The following FGF12 variants were observed in gnomAD, a reference collection of about 807,000 sequenced individuals.
FGF12 encodes the protein fibroblast growth factor 12.
Under a neutral mutation model 23.6 loss-of-function variants are expected in FGF12, and 14 were observed. The ratio of observed to expected loss-of-function variants is 0.59; its 90% CI spans 0.39 to 0.93. The LOEUF is 0.93. Among genes scored for constraint, FGF12 ranks in the 40% least tolerant of loss-of-function variants. The probability of loss-of-function intolerance (pLI) is 0.00; values close to 1 mark genes in which losing one functional copy is unlikely to be tolerated. For synonymous variants in FGF12, 62 were observed against 77.3 expected (o/e 0.80, Z 1.04); for missense variants, 175 against 217.8 (o/e 0.80, Z 1.24).
intron 2 of FGF12, among the ~76,000 whole-genome samples, chr3:192,651,005 T>C (rs1008689660): frequency 6.6e-6 from 1 of 152,228 alleles, no homozygotes; most frequent in African/African-American, 2.4e-5. Flanking sequence ...GCTAAGAAGA[T>C]ATTGATTATC....
chr3:192,545,333 T>C (rs1176744025), intron 2 of FGF12, among the ~76,000 whole-genome samples: 2 of 152,214 alleles, frequency 1.3e-5, no homozygotes. Context: ...GCATTTACCA[T>C]GTGCATCCAC....
chr3:192,715,243 A>C (rs1718831415), intron 2 of FGF12, among the ~76,000 whole-genome samples: 2 of 152,218 alleles, frequency 1.3e-5, no homozygotes, highest in African/African-American at 4.8e-5. Flanking sequence ...ACAGGCTTCC[A>C]CAATTTGCTT....
chr3:192,612,681 A>G (rs1185207616), intron 2 of FGF12, among the ~76,000 whole-genome samples: 1 of 151,974 alleles, frequency 6.6e-6, no homozygotes, highest in Non-Finnish European at 1.5e-5. Context: ...ATGAAATAAC[A>G]TTATTAGGGC....
chr3:192,504,437 C>G (rs1432999965), intron 2 of FGF12, among the ~76,000 whole-genome samples: 1 of 152,200 alleles, frequency 6.6e-6, no homozygotes, highest in Non-Finnish European at 1.5e-5. Context: ...CAGTTACTTC[C>G]TGGCCCACAA....
intron 2 of FGF12, among the ~76,000 whole-genome samples, chr3:192,689,580 T>C (rs1717876972): frequency 6.6e-6 from 1 of 151,586 alleles, no homozygotes; most frequent in Non-Finnish European, 1.5e-5. Context: ...GAAGAAATAA[T>C]AAGCAAACTA....
chr3:192,179,832 C>A (rs1716071339), intron 4 of FGF12, among the ~76,000 whole-genome samples: 1 of 151,718 alleles, frequency 6.6e-6, no homozygotes, highest in Non-Finnish European at 1.5e-5. Flanking sequence ...AACCATGAGC[C>A]ATTGCATCCG....
At position 192,534,611 on chromosome 3, in the gene FGF12, C is replaced by T. The variant is rs1048633500; in HGVS notation, c.14-174073G>A. On this transcript the variant is annotated intron_variant, in intron 2 of 5. Transcript: ENST00000445105. ...TTTGTGATGTTGGCCGGACTGGTAC[C>T]GAACTCCTGACCTCAAGAGATCTCC... 1.3e-4 allele frequency among the ~76,000 whole-genome samples: 20 copies of T among 151,988 alleles called. 1 individual carries two copies. Among genetic ancestry groups the T allele is most frequent in the Non-Finnish European group, 1.8e-4 (12 of 67,974 alleles).
At chr3:192,613,807 G>C (rs2108641829) in intron 2 of FGF12, among the ~76,000 whole-genome samples, 1 of 151,980 alleles carries the variant, frequency 6.6e-6, no homozygotes. Context: ...TTCCAACCCT[G>C]TGTACAGGCT....
chr3:192,394,242 A>G (rs1039744664), intron 2 of FGF12, among the ~76,000 whole-genome samples: 18 of 152,200 alleles, frequency 1.2e-4, no homozygotes, highest in Admixed American at 1.1e-3. Context: ...TGAGGTCCAA[A>G]CTTATGTAAT....
At chr3:192,511,901 C>T (rs539911063) in intron 2 of FGF12, among the ~76,000 whole-genome samples, 94 of 151,914 alleles carry the variant, frequency 6.2e-4, no homozygotes, top group African/African-American at 2.1e-3. Context: ...GAGGAAAGAC[C>T]GGAGCAATAA....
At chr3:192,187,103 C>T (rs952778740) in intron 4 of FGF12, among the ~76,000 whole-genome samples, 2 of 152,130 alleles carry the variant, frequency 1.3e-5, no homozygotes, top group African/African-American at 4.8e-5. Flanking sequence ...ATCAGTTTAG[C>T]TTGTATTCAA....
intron 2 of FGF12, among the ~76,000 whole-genome samples, chr3:192,381,891 G>A (rs188592123): frequency 6.6e-6 from 1 of 152,304 alleles, no homozygotes; most frequent in Non-Finnish European, 1.5e-5. Context: ...TACAGAGCAA[G>A]GCGGAAGAAG....
chr3:192,184,233 A>G (rs1007761188), intron 4 of FGF12, among the ~76,000 whole-genome samples: 1 of 152,180 alleles, frequency 6.6e-6, no homozygotes, highest in African/African-American at 2.4e-5. Flanking sequence ...AAAATAAAAT[A>G]AAATAGGCTT....
Position 192,149,064 on chromosome 3 carries a change from A to G in FGF12, c.428-4937T>C, listed in dbSNP as rs543722843. ...CCAGAAAATTTAAACCGTGAACATC[A>G]TATATATCAGGCTCAATATGATAGC... On this transcript the variant is annotated intron_variant, in intron 5 of 5. Transcript: ENST00000445105. Among the ~76,000 whole-genome samples, 64 of 152,318 alleles carry G rather than the reference A, an allele frequency of 4.2e-4. 1 individual carries two copies. Among genetic ancestry groups the G allele is most frequent in the African/African-American group, 1.4e-3 (58 of 41,570 alleles).
intron 2 of FGF12, among the ~76,000 whole-genome samples, chr3:192,395,129 T>A (rs2002582): frequency 0.43 from 65,447 of 151,964 alleles, 14,323 homozygotes; most frequent in East Asian, 0.47. Flanking sequence ...CTTTTCCATA[T>A]TGGCTGCACC....
intron 2 of FGF12, among the ~76,000 whole-genome samples, chr3:192,469,790 G>T (rs1723117850): frequency 6.6e-6 from 1 of 152,186 alleles, no homozygotes; most frequent in South Asian, 2.1e-4. Flanking sequence ...GATATAAAAA[G>T]TGGGCACTGT....
intron 2 of FGF12, among the ~76,000 whole-genome samples, chr3:192,508,198 T>C (rs1447894007): frequency 6.6e-6 from 1 of 152,194 alleles, no homozygotes; most frequent in African/African-American, 2.4e-5. Flanking sequence ...AGGTCGGTAC[T>C]AGAAGCTTAT....
At chr3:192,433,467 C>T (rs906094207) in intron 2 of FGF12, among the ~76,000 whole-genome samples, 12 of 152,120 alleles carry the variant, frequency 7.9e-5, no homozygotes, top group African/African-American at 2.4e-4. Context: ...GACCAAATTG[C>T]GCATTTGAAA....
intron 2 of FGF12, among the ~76,000 whole-genome samples, chr3:192,378,066 CT>C (rs374467029): frequency 1.2e-4 from 14 of 120,942 alleles, no homozygotes; most frequent in African/African-American, 3.8e-4. Context: ...TTCTTTCTTT[CT>C]TTCTTTCTTT....
Sources: gnomAD v4.1 joint callset for allele counts (sites outside exome capture counted in the v4.1 genomes callset) on GRCh38, gnomAD v4.1.1 for gene constraint, MANE v1.5 for transcripts, NCBI Gene and HGNC (gene_info 2026-07-23, HGNC 2026-07-21) for gene names.